The following GALNTL6 variants were observed in gnomAD, a reference collection of about 807,000 sequenced individuals.
GALNTL6 encodes the protein polypeptide N-acetylgalactosaminyltransferase-like 6.
In GALNTL6, 46 loss-of-function variants were observed where a neutral mutation model predicts 73.7. The observed-to-expected ratio is 0.62, with a 90% CI of 0.49 to 0.80. GALNTL6 has a LOEUF of 0.80. GALNTL6 is among the 30% of genes least tolerant of loss of function. The probability of loss-of-function intolerance (pLI) is 0.00; values close to 1 mark genes in which losing one functional copy is unlikely to be tolerated. For synonymous variants in GALNTL6, 259 were observed against 263.7 expected, an observed-to-expected ratio of 0.98 and a Z score of 0.17; for missense variants, 604 against 755.0, an observed-to-expected ratio of 0.80 and a Z score of 2.34.
At chr4:172,988,953 C>T (rs1751420729) in intron 10 of GALNTL6, among the ~76,000 whole-genome samples, 1 of 152,222 alleles carries the variant, frequency 6.6e-6, no homozygotes, top group Non-Finnish European at 1.5e-5. Flanking sequence ...CTGCAGGGGC[C>T]TGCAGGGGCA....
At chr4:172,204,256 CT>C (rs924336588) in intron 2 of GALNTL6, among the ~76,000 whole-genome samples, 1 of 151,962 alleles carries the variant, frequency 6.6e-6, no homozygotes, top group African/African-American at 2.4e-5. Context: ...TATGATAGTC[CT>C]TTTTTTAAAA....
rs188046011 is a variant in GALNTL6, at chr4:172,353,776, C to A, written c.553+5087C>A. Among the ~76,000 whole-genome samples, 209 of 151,860 alleles carry A rather than the reference C, an allele frequency of 1.4e-3. 1 individual carries two copies. In the East Asian group the frequency reaches 0.015, roughly 11 times the overall value. On this transcript the variant is annotated intron_variant, in intron 5 of 12. Transcript: ENST00000506823. ...TACATACATATGTATGTGGAAATAG[C>A]AAAGCAATTCCTATAATGATCCACA... is the stretch of plus-strand genomic sequence containing the variant.
chr4:172,068,641 G>T (rs2110895213), intron 2 of GALNTL6, among the ~76,000 whole-genome samples: 1 of 109,482 alleles, frequency 9.1e-6, no homozygotes, highest in East Asian at 2.1e-4. Context: ...ACTCTAGTTT[G>T]TTCTTTTTTA....
chr4:172,206,029 T>A (rs1314772910), intron 2 of GALNTL6, among the ~76,000 whole-genome samples: 1 of 152,126 alleles, frequency 6.6e-6, no homozygotes, highest in African/African-American at 2.4e-5. Context: ...TATGTACATA[T>A]GCCATGTATT....
intron 2 of GALNTL6, among the ~76,000 whole-genome samples, chr4:172,016,467 T>C (rs930016030): frequency 2.6e-5 from 4 of 152,028 alleles, no homozygotes; most frequent in African/African-American, 9.7e-5. Flanking sequence ...TTTTCATCCA[T>C]ATTGTGTATT....
At chr4:172,692,240 A>C (rs1189540681) in intron 5 of GALNTL6, among the ~76,000 whole-genome samples, 7 of 152,274 alleles carry the variant, frequency 4.6e-5, no homozygotes, top group South Asian at 2.1e-4. Context: ...TCTAATATCA[A>C]GTATTTCACA....
At chr4:171,902,808 T>C (rs1467355959) in intron 2 of GALNTL6, among the ~76,000 whole-genome samples, 2 of 152,168 alleles carry the variant, frequency 1.3e-5, no homozygotes, top group Non-Finnish European at 2.9e-5. Flanking sequence ...TGGTTTATCT[T>C]GGAGGGACAG....
intron 2 of GALNTL6, among the ~76,000 whole-genome samples, chr4:171,921,526 G>C (rs1227859701): frequency 6.6e-6 from 1 of 152,046 alleles, no homozygotes; most frequent in Non-Finnish European, 1.5e-5. Flanking sequence ...TATGCCATAG[G>C]TGGCATTATC....
intron 2 of GALNTL6, among the ~76,000 whole-genome samples, chr4:172,098,926 T>C (rs566807681): frequency 6.6e-6 from 1 of 152,242 alleles, no homozygotes; most frequent in East Asian, 1.9e-4. Flanking sequence ...GACTCTGACA[T>C]AGGCAATGTG....
At chr4:172,471,927 T>G (rs1733066932) in intron 5 of GALNTL6, among the ~76,000 whole-genome samples, 1 of 152,208 alleles carries the variant, frequency 6.6e-6, no homozygotes, top group African/African-American at 2.4e-5. Flanking sequence ...AACAATTCAG[T>G]TTTTTTCTTT....
At chr4:171,870,475 G>T (rs1736107764) in intron 2 of GALNTL6, among the ~76,000 whole-genome samples, 1 of 152,054 alleles carries the variant, frequency 6.6e-6, no homozygotes, top group Admixed American at 6.6e-5. Flanking sequence ...TATGGCTTAG[G>T]GCGCTTTACC....
chr4:172,247,602 T>G (rs1737708353), intron 3 of GALNTL6, among the ~76,000 whole-genome samples: 1 of 152,096 alleles, frequency 6.6e-6, no homozygotes, highest in Admixed American at 6.5e-5. Flanking sequence ...ATCCACTAGT[T>G]GCCTGGGAAC....
chr4:172,005,935 T>C (rs1386162972), intron 2 of GALNTL6, among the ~76,000 whole-genome samples: 1 of 152,190 alleles, frequency 6.6e-6, no homozygotes, highest in African/African-American at 2.4e-5. Context: ...TGTGATTCTT[T>C]TTGTCATAAG....
chr4:172,177,784 C>CGTGT (rs1735071456), intron 2 of GALNTL6, among the ~76,000 whole-genome samples: 7 of 58,340 alleles, frequency 1.2e-4, no homozygotes, highest in South Asian at 7.8e-4. Flanking sequence ...CATATATACA[C>CGTGT]ATGTGTATAT....
At chr4:172,459,704 A>C (rs1023986381) in intron 5 of GALNTL6, among the ~76,000 whole-genome samples, 9 of 152,218 alleles carry the variant, frequency 5.9e-5, no homozygotes, top group Non-Finnish European at 1.2e-4. Context: ...CTGCTCAAGG[A>C]AATAAGAGAG....
chr4:172,409,763 T>A (rs1373480646), intron 5 of GALNTL6, among the ~76,000 whole-genome samples: 1 of 152,044 alleles, frequency 6.6e-6, no homozygotes, highest in East Asian at 1.9e-4. Flanking sequence ...ATTAAAGCAA[T>A]TACTGTATAG....
chr4:171,982,584 C>T (rs1249912073), intron 2 of GALNTL6, among the ~76,000 whole-genome samples: 2 of 152,104 alleles, frequency 1.3e-5, no homozygotes, highest in South Asian at 2.1e-4. Flanking sequence ...AAGCATGAGC[C>T]ACCGCGCCCG....
intron 5 of GALNTL6, among the ~76,000 whole-genome samples, chr4:172,351,176 A>AATCT (rs1741925286): frequency 3.1e-5 from 2 of 65,514 alleles, no homozygotes; most frequent in African/African-American, 1.4e-4. Context: ...GATCCACAAT[A>AATCT]ATCTGTCTAT....
In GALNTL6 at chr4:172,568,757, CAA is replaced by C. The variant is rs71592082; in HGVS notation, c.553+220089_553+220090del. 3.9e-4 allele frequency among the ~76,000 whole-genome samples: 26 copies of C among 67,076 alleles called. No homozygotes were observed. In the East Asian group the frequency reaches 0.011, roughly 28 times the overall value. The allele number at this position is 67,076 out of a possible 152,430, so 44.0% of individuals were successfully genotyped here. On this transcript the variant is annotated intron_variant, in intron 5 of 12. Transcript: ENST00000506823. Reference sequence around the variant, plus strand: ...TGGGCCACAGAGCGAGACTCCATCTCAAAAAAAAAAAAAAAAAAAAAAGTAAC... The same window carrying C: ...TGGGCCACAGAGCGAGACTCCATCTCAAAAAAAAAAAAAAAAAAAAGTAAC...
Sources: allele counts gnomAD v4.1 joint callset (sites outside exome capture counted in the v4.1 genomes callset), GRCh38; gene constraint gnomAD v4.1.1; transcripts MANE v1.5; gene names NCBI Gene and HGNC (gene_info 2026-07-23, HGNC 2026-07-21).